The following NXPH2 variants were observed in gnomAD, a reference collection of about 807,000 sequenced individuals.
The protein encoded by NXPH2 is neurexophilin 2.
NXPH2 carries 5 observed loss-of-function variants against 19.8 expected under a neutral mutation model. The ratio of observed to expected loss-of-function variants is 0.25; its 90% CI spans 0.13 to 0.53. NXPH2 has a LOEUF of 0.53. Ranked by LOEUF, NXPH2 falls within the 20% of genes least tolerant of loss-of-function variation. NXPH2 has a pLI of 0.96. For synonymous variants in NXPH2, 154 were observed against 127.4 expected, an observed-to-expected ratio of 1.21 and a Z score of -1.41; for missense variants, 289 against 322.8, an observed-to-expected ratio of 0.90 and a Z score of 0.80.
intron 1 of NXPH2, among the ~76,000 whole-genome samples, chr2:138,690,076 T>G (rs1680725391): frequency 6.6e-6 from 1 of 152,192 alleles, no homozygotes; most frequent in African/African-American, 2.4e-5. Flanking sequence ...TCATTTGTGC[T>G]GATTTCCTTT....
chr2:138,678,555 T>A (rs1425897007), intron 1 of NXPH2, among the ~76,000 whole-genome samples: 2 of 152,178 alleles, frequency 1.3e-5, no homozygotes, highest in Admixed American at 1.3e-4. Flanking sequence ...CTGAATTATC[T>A]AAAATAACCT....
chr2:138,708,157 G>T (rs920465803), intron 1 of NXPH2, among the ~76,000 whole-genome samples: 8 of 152,128 alleles, frequency 5.3e-5, no homozygotes, highest in African/African-American at 1.9e-4. Context: ...TTAAATCACA[G>T]AATTTCATTG....
At chr2:138,718,749 T>A (rs1681231089) in intron 1 of NXPH2, among the ~76,000 whole-genome samples, 1 of 152,208 alleles carries the variant, frequency 6.6e-6, no homozygotes, top group African/African-American at 2.4e-5. Context: ...TAGCATAACT[T>A]GGTTCTGTAG....
intron 1 of NXPH2, among the ~76,000 whole-genome samples, chr2:138,676,233 T>C (rs1026000842): frequency 1.3e-5 from 2 of 152,248 alleles, no homozygotes; most frequent in Non-Finnish European, 2.9e-5. Context: ...TATATTTCTC[T>C]ATGTCTTTAA....
At chr2:138,738,892 A>G (rs1285966407) in intron 1 of NXPH2, among the ~76,000 whole-genome samples, 5 of 152,232 alleles carry the variant, frequency 3.3e-5, no homozygotes, top group Admixed American at 6.5e-5. Context: ...GGACAGGCCT[A>G]TAAGACCTTG....
intron 1 of NXPH2, among the ~76,000 whole-genome samples, chr2:138,698,292 T>C (rs1680859658): frequency 6.6e-6 from 1 of 152,190 alleles, no homozygotes; most frequent in South Asian, 2.1e-4. Flanking sequence ...TAGGTTAAAA[T>C]AGTTACGAAA....
At chr2:138,746,857 TC>T (rs1681745396) in intron 1 of NXPH2, among the ~76,000 whole-genome samples, 1 of 152,130 alleles carries the variant, frequency 6.6e-6, no homozygotes, top group Non-Finnish European at 1.5e-5. Flanking sequence ...CAAAGAAATT[TC>T]CTATAAAAAA....
chr2:138,673,176 A>T (rs1327607757), intron 1 of NXPH2, among the ~76,000 whole-genome samples: 2 of 152,196 alleles, frequency 1.3e-5, no homozygotes, highest in African/African-American at 2.4e-5. Flanking sequence ...GGTATGATGC[A>T]TATTCTTACA....
At chr2:138,718,609 T>C (rs1481692201) in intron 1 of NXPH2, among the ~76,000 whole-genome samples, 1 of 152,078 alleles carries the variant, frequency 6.6e-6, no homozygotes, top group Non-Finnish European at 1.5e-5. Flanking sequence ...CAGCTGAATA[T>C]GACTTGAAAA....
At chr2:138,763,498 A>G (rs1177454270) in intron 1 of NXPH2, among the ~76,000 whole-genome samples, 2 of 152,228 alleles carry the variant, frequency 1.3e-5, no homozygotes, top group Non-Finnish European at 2.9e-5. Flanking sequence ...TGTTGACTGA[A>G]TATCAAACTT....
intron 1 of NXPH2, among the ~76,000 whole-genome samples, chr2:138,734,155 G>A (rs921852699): frequency 6.6e-5 from 10 of 152,174 alleles, no homozygotes; most frequent in African/African-American, 2.4e-4. Flanking sequence ...TGAGGCAGGA[G>A]AATTGTTTGA....
intron 1 of NXPH2, among the ~76,000 whole-genome samples, chr2:138,745,953 C>T (rs886256433): frequency 6.6e-6 from 1 of 152,126 alleles, no homozygotes; most frequent in Non-Finnish European, 1.5e-5. Context: ...CGGCTGGTGG[C>T]CTAGTCCACC....
intron 1 of NXPH2, among the ~76,000 whole-genome samples, chr2:138,682,913 T>C (rs1365916501): frequency 2.0e-5 from 3 of 152,112 alleles, no homozygotes; most frequent in Non-Finnish European, 4.4e-5. Context: ...CACAGAAATA[T>C]CATGTATGCA....
intron 1 of NXPH2, among the ~76,000 whole-genome samples, chr2:138,674,972 T>C (rs1472396734): frequency 6.6e-6 from 1 of 152,204 alleles, no homozygotes; most frequent in African/African-American, 2.4e-5. Context: ...CCTGATTTGG[T>C]ACAGCTTCTG....
intron 1 of NXPH2, among the ~76,000 whole-genome samples, chr2:138,758,045 G>A (rs1010855869): frequency 1.3e-5 from 2 of 152,016 alleles, no homozygotes; most frequent in Non-Finnish European, 2.9e-5. Context: ...AACCAAAGAC[G>A]AACATGTTAA....
chr2:138,705,801 T>TC (rs35291583), intron 1 of NXPH2, among the ~76,000 whole-genome samples: 76,205 of 151,962 alleles, frequency 0.5, 21,263 homozygotes, highest in South Asian at 0.75. Context: ...CAGTGATTCT[T>TC]CATAAAATAA....
In NXPH2 at chr2:138,669,304, G is replaced by T. The variant is rs1047360469; in HGVS notation, c.*1618C>A. On this transcript the variant is annotated 3_prime_UTR_variant, in exon 2 of 2. Coordinates refer to ENST00000272641, the MANE Select transcript of NXPH2 (RefSeq NM_007226.3). The stretch of plus-strand genomic sequence containing the variant: ...AATAATATTTTACTCTTGTTTCTAG[G>T]TGAAAATAAAAAGATGTTTCAAAAT... Among the ~76,000 whole-genome samples the T allele has an allele frequency of 1.1e-4, 17 of 151,994 alleles. No individual in the cohort carries two copies. Among genetic ancestry groups the T allele is most frequent in the African/African-American group, 4.1e-4 (17 of 41,470 alleles).
intron 1 of NXPH2, among the ~76,000 whole-genome samples, chr2:138,684,288 C>T (rs1470811795): frequency 6.6e-6 from 1 of 151,956 alleles, no homozygotes; most frequent in Non-Finnish European, 1.5e-5. Context: ...TAATGAGACT[C>T]AACACCAAAA....
intron 1 of NXPH2, among the ~76,000 whole-genome samples, chr2:138,771,692 G>A (rs1362232553): frequency 1.3e-5 from 2 of 152,122 alleles, no homozygotes; most frequent in Non-Finnish European, 2.9e-5. Flanking sequence ...GCTCCTGCAG[G>A]GAAGACCGAG....
Sources: gnomAD v4.1 joint callset for allele counts (sites outside exome capture counted in the v4.1 genomes callset) on GRCh38, gnomAD v4.1.1 for gene constraint, MANE v1.5 for transcripts, NCBI Gene and HGNC (gene_info 2026-07-23, HGNC 2026-07-21) for gene names.